The following CNTNAP2 variants were observed in gnomAD, a reference collection of about 807,000 sequenced individuals.
CNTNAP2 encodes contactin associated protein 2, also known as contactin-associated protein-like 2.
A neutral mutation model predicts 155.2 loss-of-function variants in CNTNAP2; 98 were observed. That is an observed-to-expected ratio of 0.63 (90% CI 0.54 to 0.75). The LOEUF is 0.75. CNTNAP2 is among the 30% of genes least tolerant of loss of function. The pLI, the probability that CNTNAP2 is intolerant of heterozygous loss-of-function variation, is 0.00. For synonymous variants in CNTNAP2, 651 were observed against 631.2 expected (o/e 1.03, Z -0.47); for missense variants, 1,727 against 1,688.1 (o/e 1.02, Z -0.40).
intron 1 of CNTNAP2, among the ~76,000 whole-genome samples, chr7:146,551,183 C>T (rs2129142767): frequency 6.6e-6 from 1 of 152,064 alleles, no homozygotes; most frequent in East Asian, 1.9e-4. Flanking sequence ...GAACGTCCTG[C>T]TCAGAGTCAA....
chr7:146,957,201 G>A (rs1444069550), intron 3 of CNTNAP2, among the ~76,000 whole-genome samples: 2 of 152,260 alleles, frequency 1.3e-5, no homozygotes, highest in East Asian at 3.9e-4. Flanking sequence ...GCATGTTACT[G>A]TAGTGAATAC....
At chr7:146,657,103 T>C (rs749032870) in intron 1 of CNTNAP2, among the ~76,000 whole-genome samples, 2 of 152,222 alleles carry the variant, frequency 1.3e-5, no homozygotes, top group Non-Finnish European at 2.9e-5. Flanking sequence ...TGAATACATG[T>C]ATACTTGCTC....
At chr7:146,730,246 CTT>C (rs1801501995) in intron 1 of CNTNAP2, among the ~76,000 whole-genome samples, 1 of 152,194 alleles carries the variant, frequency 6.6e-6, no homozygotes, top group East Asian at 1.9e-4. Flanking sequence ...AGTTTGCTCT[CTT>C]TCCCTACTCC....
intron 10 of CNTNAP2, among the ~76,000 whole-genome samples, chr7:147,485,560 A>G (rs939565023): frequency 2.0e-5 from 3 of 152,232 alleles, no homozygotes; most frequent in African/African-American, 7.2e-5. Context: ...TGGCTTGACA[A>G]AGAATAGAAT....
At chr7:147,348,707 A>G (rs185748694) in intron 9 of CNTNAP2, among the ~76,000 whole-genome samples, 4 of 152,230 alleles carry the variant, frequency 2.6e-5, no homozygotes. Flanking sequence ...TGTTTATTGC[A>G]GCACTATTCA....
At chr7:146,911,723 G>T (rs527911577) in intron 3 of CNTNAP2, among the ~76,000 whole-genome samples, 9 of 151,626 alleles carry the variant, frequency 5.9e-5, no homozygotes, top group Non-Finnish European at 1.0e-4. Flanking sequence ...AAGTTAGTGG[G>T]TGCAGCGCAC....
At chr7:147,129,851 G>A (rs991200071) in intron 7 of CNTNAP2, among the ~76,000 whole-genome samples, 1 of 152,068 alleles carries the variant, frequency 6.6e-6, no homozygotes, top group African/African-American at 2.4e-5. Flanking sequence ...TTTTCTTAAA[G>A]TAATCATAAA....
At chr7:146,565,850 G>T (rs1798348742) in intron 1 of CNTNAP2, among the ~76,000 whole-genome samples, 1 of 152,226 alleles carries the variant, frequency 6.6e-6, no homozygotes, top group Non-Finnish European at 1.5e-5. Context: ...TTAAGGAAAA[G>T]ATAAACTCTC....
At chr7:148,266,737 A>C (rs1796677147) in intron 20 of CNTNAP2, among the ~76,000 whole-genome samples, 1 of 152,196 alleles carries the variant, frequency 6.6e-6, no homozygotes, top group East Asian at 1.9e-4. Flanking sequence ...ATGTTACTCC[A>C]TTAAAAAGAA....
At chr7:146,975,562 A>G (rs543415560) in intron 3 of CNTNAP2, among the ~76,000 whole-genome samples, 2 of 152,316 alleles carry the variant, frequency 1.3e-5, no homozygotes, top group East Asian at 1.9e-4. Flanking sequence ...GGCGTGAAGT[A>G]TAGTCAGTTC....
rs368415943 is a variant in CNTNAP2 at position 148,281,112 on chromosome 7, CT to C, written c.3475+13989del. The stretch of plus-strand genomic sequence containing the variant: ...AAGCCACCGGTTCTACCCATTCCCT[CT>C]TTACTTTCCTGCGCTAGCCAGTAGA... On this transcript the variant is annotated intron_variant, in intron 21 of 23. Coordinates refer to ENST00000361727, the MANE Select transcript of CNTNAP2 (RefSeq NM_014141.6). Among the ~76,000 whole-genome samples the C allele has an allele frequency of 8.4e-3, 1,283 of 152,206 alleles. 16 individuals carry two copies. The highest frequency in any genetic ancestry group is 0.029 in the African/African-American group (1,221 of 41,534).
intron 12 of CNTNAP2, among the ~76,000 whole-genome samples, chr7:147,616,529 T>C (rs1212228663): frequency 6.6e-6 from 1 of 152,188 alleles, no homozygotes; most frequent in East Asian, 1.9e-4. Flanking sequence ...AGATTATTCC[T>C]GCTTCATGGC....
intron 8 of CNTNAP2, among the ~76,000 whole-genome samples, chr7:147,279,184 A>G (rs997196729): frequency 6.6e-6 from 1 of 151,636 alleles, no homozygotes; most frequent in African/African-American, 2.4e-5. Flanking sequence ...TAATGCACTA[A>G]AATTTTCTGC....
At chr7:146,898,823 A>C (rs1389765496) in intron 3 of CNTNAP2, among the ~76,000 whole-genome samples, 1 of 151,922 alleles carries the variant, frequency 6.6e-6, no homozygotes, top group Admixed American at 6.6e-5. Flanking sequence ...GTAGACCTTA[A>C]AAGGGGCCAG....
chr7:147,940,879 T>A (rs1800708819), intron 14 of CNTNAP2, among the ~76,000 whole-genome samples: 1 of 152,198 alleles, frequency 6.6e-6, no homozygotes, highest in Admixed American at 6.5e-5. Flanking sequence ...CAAATCACCA[T>A]ACTATTTAAC....
intron 3 of CNTNAP2, among the ~76,000 whole-genome samples, chr7:146,905,474 G>T (rs1203250418): frequency 2.0e-5 from 3 of 152,090 alleles, no homozygotes; most frequent in Non-Finnish European, 4.4e-5. Context: ...GTTGGTTCCA[G>T]CAGAAGTTTG....
intron 9 of CNTNAP2, among the ~76,000 whole-genome samples, chr7:147,332,130 A>G (rs1207295951): frequency 6.6e-6 from 1 of 152,178 alleles, no homozygotes; most frequent in Non-Finnish European, 1.5e-5. Flanking sequence ...CTGCTCAAAT[A>G]CAATGTTCGG....
intron 1 of CNTNAP2, among the ~76,000 whole-genome samples, chr7:146,469,651 T>C (rs1796765481): frequency 6.6e-6 from 1 of 151,480 alleles, no homozygotes; most frequent in Admixed American, 6.6e-5. Flanking sequence ...GCCTCCCTAG[T>C]AGCTGGAATT....
intron 1 of CNTNAP2, among the ~76,000 whole-genome samples, chr7:146,603,755 C>G (rs1294539645): frequency 5.3e-5 from 8 of 150,910 alleles, no homozygotes; most frequent in Non-Finnish European, 1.0e-4. Flanking sequence ...ACACAGCCCT[C>G]AGAAATAATG....
Sources: allele counts gnomAD v4.1 joint callset (sites outside exome capture counted in the v4.1 genomes callset), GRCh38; gene constraint gnomAD v4.1.1; transcripts MANE v1.5; gene names NCBI Gene and HGNC (gene_info 2026-07-23, HGNC 2026-07-21).